Variants in TPST1 observed in about 807,000 individuals in gnomAD.
The protein encoded by TPST1 is tyrosylprotein sulfotransferase 1, also known as protein-tyrosine sulfotransferase 1.
A neutral mutation model predicts 34.8 loss-of-function variants in TPST1; 20 were observed. The observed-to-expected ratio is 0.57, with a 90% confidence interval of 0.40 to 0.84. TPST1 has a LOEUF of 0.84. TPST1 is among the 40% of genes least tolerant of loss of function. The probability of loss-of-function intolerance (pLI) is 0.00; values close to 1 mark genes in which losing one functional copy is unlikely to be tolerated. For synonymous variants in TPST1, 152 were observed against 159.4 expected (o/e 0.95, Z 0.35); for missense variants, 353 against 455.5 (o/e 0.78, Z 2.05).
chr7:66,340,994 G>T (rs955406224), intron 3 of TPST1, among the ~76,000 whole-genome samples: 26 of 152,160 alleles, frequency 1.7e-4, no homozygotes, highest in Admixed American at 9.2e-4. Context: ...CTGGGTGACA[G>T]AGTGAGACTC....
At chr7:66,248,765 G>A (rs968283553) in intron 2 of TPST1, among the ~76,000 whole-genome samples, 1 of 151,978 alleles carries the variant, frequency 6.6e-6, no homozygotes, top group Non-Finnish European at 1.5e-5. Context: ...CGCCTGCCTC[G>A]GCCTCCCAAA....
chr7:66,325,785 G>A (rs1297868173), intron 3 of TPST1, among the ~76,000 whole-genome samples: 1 of 151,500 alleles, frequency 6.6e-6, no homozygotes, highest in Non-Finnish European at 1.5e-5. Context: ...ACAGGCACCC[G>A]CCTCCATGCC....
chr7:66,327,947 A>G (rs993619626), intron 3 of TPST1, among the ~76,000 whole-genome samples: 5 of 147,476 alleles, frequency 3.4e-5, no homozygotes, highest in Admixed American at 1.3e-4. Flanking sequence ...GGCCTATCAT[A>G]CATTTTGTTT....
At chr7:66,203,267 T>C (rs1211021514), upstream of TPST1, among the ~76,000 whole-genome samples, 1 of 151,432 alleles carries the variant, frequency 6.6e-6, no homozygotes, top group Non-Finnish European at 1.5e-5. Context: ...AGAGGCAAGG[T>C]CTCAGTCTGT....
intron 2 of TPST1, among the ~76,000 whole-genome samples, chr7:66,264,083 G>A (rs534749364): frequency 6.6e-6 from 1 of 152,264 alleles, no homozygotes; most frequent in East Asian, 1.9e-4. Flanking sequence ...CTTCTTAGGT[G>A]GATCCCTGGA....
At chr7:66,352,474 C>A in intron 3 of TPST1, 31 bp from the exon 4 acceptor site, 1 of 1,608,082 alleles carries the variant, frequency 6.2e-7, no homozygotes, top group Non-Finnish European at 8.5e-7. Context: ...GGACCTGTTG[C>A]CTTAAACTCA....
At chr7:66,263,644 G>A (rs1278292402) in intron 2 of TPST1, among the ~76,000 whole-genome samples, 7 of 152,232 alleles carry the variant, frequency 4.6e-5, no homozygotes, top group South Asian at 4.2e-4. Context: ...ACTTGAGGAC[G>A]AGCAGTTTGT....
At chr7:66,292,822 G>T (rs1432305228) in intron 3 of TPST1, among the ~76,000 whole-genome samples, 1 of 151,276 alleles carries the variant, frequency 6.6e-6, no homozygotes, top group Non-Finnish European at 1.5e-5. Context: ...CGTCTTCTGC[G>T]TCGCTCACGC....
intron 3 of TPST1, among the ~76,000 whole-genome samples, chr7:66,296,218 A>G (rs928727409): frequency 6.7e-6 from 1 of 150,052 alleles, no homozygotes. Flanking sequence ...ATTTCAAAAT[A>G]CCCACTGAAA....
intron 3 of TPST1, among the ~76,000 whole-genome samples, chr7:66,313,219 G>T (rs1791566708): frequency 6.6e-6 from 1 of 152,112 alleles, no homozygotes; most frequent in Admixed American, 6.6e-5. Flanking sequence ...TTTGAGACCA[G>T]CCTGGCCAAC....
intron 3 of TPST1, among the ~76,000 whole-genome samples, chr7:66,337,352 A>C (rs954818491): frequency 6.9e-6 from 1 of 144,506 alleles, no homozygotes; most frequent in Admixed American, 7.1e-5. Context: ...CTGTCACTCA[A>C]GCTGGAGAGT....
intron 3 of TPST1, among the ~76,000 whole-genome samples, chr7:66,327,932 A>G (rs1388060644): frequency 6.6e-6 from 1 of 151,442 alleles, no homozygotes; most frequent in East Asian, 1.9e-4. Flanking sequence ...CTGCAGGCCA[A>G]ATCTGGCCTA....
chr7:66,233,192 A>C (rs1562806353), intron 1 of TPST1, among the ~76,000 whole-genome samples: 1 of 151,832 alleles, frequency 6.6e-6, no homozygotes, highest in Non-Finnish European at 1.5e-5. Flanking sequence ...TGAAGCACAA[A>C]AATTTTTAAT....
chr7:66,336,232 C>T (rs971556676), intron 3 of TPST1, among the ~76,000 whole-genome samples: 14 of 152,048 alleles, frequency 9.2e-5, no homozygotes, highest in Admixed American at 3.9e-4. Flanking sequence ...ATGGTGTGAA[C>T]CCAGGAGGCG....
chr7:66,335,272 A>G (rs1562850012), intron 3 of TPST1, among the ~76,000 whole-genome samples: 3 of 152,180 alleles, frequency 2.0e-5, no homozygotes, highest in African/African-American at 4.8e-5. Flanking sequence ...CCTGGGCAAC[A>G]TAGCAAAATC....
intron 3 of TPST1, among the ~76,000 whole-genome samples, chr7:66,321,713 A>G (rs534986903): frequency 6.6e-6 from 1 of 152,378 alleles, no homozygotes; most frequent in East Asian, 1.9e-4. Flanking sequence ...CAGATGTGTA[A>G]GAACTTCAGT....
Position 66,218,716 on chromosome 7 carries a change from G to A in TPST1, c.-102+13194G>A, listed in dbSNP as rs189007171. On this transcript the variant is annotated intron_variant, in intron 1 of 5. Coordinates refer to ENST00000304842, the MANE Select transcript of TPST1 (RefSeq NM_003596.4). ...AAAAACGTTAGCTGGGTGTGGTGGC[G>A]GGCGCCTGTAGTCCCAGCTACTTGG... Among the ~76,000 whole-genome samples the A allele has an allele frequency of 3.8e-3, 584 of 152,054 alleles. 5 individuals are homozygous for A. Among genetic ancestry groups the A allele is most frequent in the African/African-American group, 0.013 (557 of 41,512 alleles).
intron 1 of TPST1, among the ~76,000 whole-genome samples, chr7:66,238,822 T>C (rs867562938): frequency 1.2e-4 from 19 of 152,186 alleles, no homozygotes; most frequent in African/African-American, 4.3e-4. Flanking sequence ...GGGTAAATTA[T>C]TTTGGTGTAC....
chr7:66,348,071 A>G (rs1160395353), intron 3 of TPST1, among the ~76,000 whole-genome samples: 1 of 152,210 alleles, frequency 6.6e-6, no homozygotes, highest in African/African-American at 2.4e-5. Flanking sequence ...GTAGTTGCTT[A>G]GGCAAAACAC....
Sources: allele counts gnomAD v4.1 joint callset (sites outside exome capture counted in the v4.1 genomes callset), GRCh38; gene constraint gnomAD v4.1.1; transcripts MANE v1.5; gene names NCBI Gene and HGNC (gene_info 2026-07-23, HGNC 2026-07-21).